Variants in PABPC4L observed in about 807,000 individuals in gnomAD.
The protein encoded by PABPC4L is polyadenylate-binding protein 4-like.
For synonymous variants in PABPC4L, 169 were observed against 164.1 expected, an observed-to-expected ratio of 1.03 and a Z score of -0.23; for missense variants, 452 against 451.4, an observed-to-expected ratio of 1.00 and a Z score of -0.01.
chr4:134,027,442 T>C, the PABPC4L span, among the ~76,000 whole-genome samples: 1 of 152,144 alleles, frequency 6.6e-6, no homozygotes, highest in Non-Finnish European at 1.5e-5. Context: ...AGTATTCCAT[T>C]GTGTATATAT....
chr4:133,981,163 A>G, the PABPC4L span, among the ~76,000 whole-genome samples: 531 of 58,536 alleles, frequency 9.1e-3, 2 homozygotes, highest in African/African-American at 0.017. Flanking sequence ...TCCACTGGGG[A>G]AAAAAAAAAA....
At chr4:133,992,203 C>A in the PABPC4L span, among the ~76,000 whole-genome samples, 2 of 152,166 alleles carry the variant, frequency 1.3e-5, no homozygotes, top group Admixed American at 6.6e-5. Context: ...GGTCGCCCTG[C>A]AAATGGCAGT....
the PABPC4L span, among the ~76,000 whole-genome samples, chr4:133,953,669 C>A: frequency 6.6e-6 from 1 of 152,058 alleles, no homozygotes; most frequent in East Asian, 1.9e-4. Context: ...TCCCTAAAAT[C>A]TTGCATTTGG....
At chr4:134,047,801 C>T in the PABPC4L span, among the ~76,000 whole-genome samples, 104,770 of 147,930 alleles carry the variant, frequency 0.71, 37,287 homozygotes, top group East Asian at 0.95. Flanking sequence ...TTCTCTACAG[C>T]TGCACCAGGG....
At chr4:134,135,555 C>T in the PABPC4L span, among the ~76,000 whole-genome samples, 5 of 151,990 alleles carry the variant, frequency 3.3e-5, no homozygotes, top group Admixed American at 1.3e-4. Flanking sequence ...AAAACACAGC[C>T]GGTATGGTGG....
At chr4:133,949,969 G>A in the PABPC4L span, among the ~76,000 whole-genome samples, 1 of 152,126 alleles carries the variant, frequency 6.6e-6, no homozygotes, top group Admixed American at 6.5e-5. Context: ...CTAATCCTAA[G>A]GAGTGCTATT....
the PABPC4L span, among the ~76,000 whole-genome samples, chr4:134,137,920 A>G: frequency 6.6e-6 from 1 of 151,774 alleles, no homozygotes; most frequent in African/African-American, 2.4e-5. Flanking sequence ...ACATTTCCCA[A>G]ATTACTCACT....
the PABPC4L span, among the ~76,000 whole-genome samples, chr4:134,187,611 G>A: frequency 6.6e-6 from 1 of 152,030 alleles, no homozygotes; most frequent in South Asian, 2.1e-4. Context: ...TCTGTTTTCA[G>A]GCACATACAC....
the PABPC4L span, among the ~76,000 whole-genome samples, chr4:134,140,608 G>A: frequency 2.0e-5 from 3 of 151,740 alleles, no homozygotes; most frequent in Admixed American, 6.6e-5. Context: ...TTAGTAAAAT[G>A]TTGCTTAATT....
At chr4:134,079,134 G>A in the PABPC4L span, among the ~76,000 whole-genome samples, 1 of 151,094 alleles carries the variant, frequency 6.6e-6, no homozygotes, top group African/African-American at 2.4e-5. Context: ...ACCACGCCCA[G>A]CTAATTTTTG....
At chr4:134,004,937 G>T in the PABPC4L span, among the ~76,000 whole-genome samples, 14 of 151,802 alleles carry the variant, frequency 9.2e-5, no homozygotes. Context: ...GTACATTGGT[G>T]GTTGTACTCA....
chr4:133,978,785 A>G, the PABPC4L span: 1 of 152,096 alleles, frequency 6.6e-6, no homozygotes, highest in African/African-American at 2.4e-5. Context: ...CCCTAACTTA[A>G]GTTTCACTAA....
At chr4:134,101,136 G>A in the PABPC4L span, among the ~76,000 whole-genome samples, 1 of 151,526 alleles carries the variant, frequency 6.6e-6, no homozygotes, top group East Asian at 2.0e-4. Context: ...GATTGGTAAA[G>A]TTGCTAGCTG....
chr4:134,109,077 T>G, the PABPC4L span, among the ~76,000 whole-genome samples: 561 of 152,076 alleles, frequency 3.7e-3, 7 homozygotes, highest in East Asian at 0.02. Context: ...ACAATTATTT[T>G]TAAAAGATGT....
chr4:134,175,449 C>T, the PABPC4L span, among the ~76,000 whole-genome samples: 2 of 151,312 alleles, frequency 1.3e-5, no homozygotes, highest in Admixed American at 1.3e-4. Context: ...ATTAATCAAT[C>T]AATTAATTAA....
chr4:134,169,291 G>A, the PABPC4L span, among the ~76,000 whole-genome samples: 1 of 151,974 alleles, frequency 6.6e-6, no homozygotes, highest in Non-Finnish European at 1.5e-5. Context: ...GGTGTAGAAG[G>A]AACAAATCTC....
the PABPC4L span, among the ~76,000 whole-genome samples, chr4:134,049,123 A>G: frequency 6.6e-6 from 1 of 152,026 alleles, no homozygotes; most frequent in East Asian, 1.9e-4. Context: ...AAACTCTCCA[A>G]TTACCCATTT....
chr4:134,184,126 G>T, the PABPC4L span, among the ~76,000 whole-genome samples: 1 of 151,996 alleles, frequency 6.6e-6, no homozygotes, highest in Admixed American at 6.6e-5. Context: ...ACTGGCAGAG[G>T]ATAGACTGGT....
At position 134,199,887 on chromosome 4, in the gene PABPC4L, G is replaced by A. The variant is rs1729788807; in HGVS notation, c.*20C>T. On this transcript the variant is annotated 3_prime_UTR_variant, in exon 2 of 2. Transcript: ENST00000421491. ...TCCCACCTGCTGCAGATACTAGCTG[G>A]AAAGGTACGTTTTTCTTTCCTAGTG... The A allele has an allele frequency of 6.5e-7, 1 of 1,548,996 alleles. No homozygotes were observed. Among genetic ancestry groups the A allele is most frequent in the Non-Finnish European group, 8.7e-7 (1 of 1,146,338 alleles).
Sources: gnomAD v4.1 joint callset for allele counts (sites outside exome capture counted in the v4.1 genomes callset) on GRCh38, gnomAD v4.1.1 for gene constraint, MANE v1.5 for transcripts, NCBI Gene and HGNC (gene_info 2026-07-23, HGNC 2026-07-21) for gene names.